Variants in RGL1 observed in about 807,000 individuals in gnomAD.
RGL1 encodes ral guanine nucleotide dissociation stimulator like 1.
In RGL1, 24 loss-of-function variants were observed where a neutral mutation model predicts 95.2. The ratio of observed to expected loss-of-function variants is 0.25; its 90% CI spans 0.18 to 0.35. The LOEUF is 0.35. Ranked by LOEUF, RGL1 falls within the 10% of genes least tolerant of loss-of-function variation. The probability of loss-of-function intolerance (pLI) is 1.00; values close to 1 mark genes in which losing one functional copy is unlikely to be tolerated. For synonymous variants in RGL1, 329 were observed against 344.9 expected (o/e 0.95, Z 0.51); for missense variants, 715 against 936.3 (o/e 0.76, Z 3.08).
intron 3 of RGL1, 65 bp downstream of exon 3, chr1:183,847,839 G>T (rs1423266041): frequency 1.6e-6 from 2 of 1,250,316 alleles, no homozygotes; most frequent in Non-Finnish European, 2.3e-6. Flanking sequence ...GGAGCACGAG[G>T]TTCTGAATCA....
intron 2 of RGL1, among the ~76,000 whole-genome samples, chr1:183,828,781 T>C (rs563084419): frequency 6.6e-6 from 1 of 152,378 alleles, no homozygotes; most frequent in Admixed American, 6.5e-5. Context: ...TCTGTATTCA[T>C]TTCCTCTGAT....
Position 183,922,350 on chromosome 1 carries a change from C to T in RGL1, c.2119+14C>T, listed in dbSNP as rs375722600. ...CGGAGGACAAAGGTGGGCATCCTTCCGAGACAGGCATGTTCCTTCCCAGGG... is the reference window on the plus strand; with the variant it reads ...CGGAGGACAAAGGTGGGCATCCTTCTGAGACAGGCATGTTCCTTCCCAGGG... On this transcript the variant is annotated intron_variant, in intron 17 of 17. Coordinates refer to ENST00000360851, the MANE Select transcript of RGL1 (RefSeq NM_001297671.3). 2.0e-4 allele frequency: 322 copies of T among 1,593,430 alleles called. No homozygotes were observed. The highest frequency in any genetic ancestry group is 2.6e-4 in the Non-Finnish European group (307 of 1,163,238).
chr1:183,722,330 A>G (rs80236194), intron 1 of RGL1, among the ~76,000 whole-genome samples: 7,330 of 152,188 alleles, frequency 0.048, 275 homozygotes, highest in Non-Finnish European at 0.068. Flanking sequence ...AAAATAAGAG[A>G]GACCTGGAGG....
At chr1:183,855,220 A>G (rs1161417184) in intron 3 of RGL1, among the ~76,000 whole-genome samples, 1 of 152,208 alleles carries the variant, frequency 6.6e-6, no homozygotes, top group Non-Finnish European at 1.5e-5. Flanking sequence ...ATAAGTCTAT[A>G]GACTCGTGTC....
chr1:183,646,425 A>ATC (rs968538326), intron 1 of RGL1: 4 of 151,732 alleles, frequency 2.6e-5, no homozygotes, highest in Admixed American at 2.6e-4. Context: ...TACTTTATAT[A>ATC]TATATATAAA....
chr1:183,771,923 G>C (rs903582996), intron 2 of RGL1, among the ~76,000 whole-genome samples: 8 of 152,218 alleles, frequency 5.3e-5, no homozygotes, highest in African/African-American at 1.9e-4. Flanking sequence ...TGGACGGTGA[G>C]AGGACACGGA....
intron 1 of RGL1, among the ~76,000 whole-genome samples, chr1:183,691,659 G>A (rs1653951876): frequency 1.3e-5 from 2 of 152,188 alleles, no homozygotes; most frequent in Non-Finnish European, 2.9e-5. Flanking sequence ...AGATAGTAAT[G>A]TTGAGAGAAT....
chr1:183,841,501 T>A (rs565130892), intron 2 of RGL1, among the ~76,000 whole-genome samples: 235 of 152,346 alleles, frequency 1.5e-3, no homozygotes, highest in African/African-American at 5.6e-3. Context: ...CCACTATTTT[T>A]AATGGCAAAA....
chr1:183,909,988 T>G (rs1373126636), intron 14 of RGL1, among the ~76,000 whole-genome samples: 1 of 152,214 alleles, frequency 6.6e-6, no homozygotes, highest in Non-Finnish European at 1.5e-5. Flanking sequence ...TATTATTCAG[T>G]GTCTTTTGAC....
chr1:183,915,872 T>C (rs1229162116), intron 15 of RGL1, among the ~76,000 whole-genome samples: 1 of 152,236 alleles, frequency 6.6e-6, no homozygotes, highest in South Asian at 2.1e-4. Context: ...CAACTAGCTG[T>C]GTGGACCTGG....
intron 2 of RGL1, among the ~76,000 whole-genome samples, chr1:183,758,537 G>C (rs1658486240): frequency 6.6e-6 from 1 of 152,176 alleles, no homozygotes; most frequent in South Asian, 2.1e-4. Flanking sequence ...GAGGCTGGGA[G>C]TCTGACATCA....
chr1:183,771,202 G>T (rs1659254095), intron 2 of RGL1, among the ~76,000 whole-genome samples: 1 of 151,976 alleles, frequency 6.6e-6, no homozygotes, highest in Non-Finnish European at 1.5e-5. Context: ...TGGCTCCGAG[G>T]CCTAGAATGA....
chr1:183,692,885 C>A (rs1654031778), intron 1 of RGL1, among the ~76,000 whole-genome samples: 2 of 152,064 alleles, frequency 1.3e-5, no homozygotes, highest in African/African-American at 4.8e-5. Context: ...GAATCATCTG[C>A]CCCAAAAGTC....
intron 2 of RGL1, among the ~76,000 whole-genome samples, chr1:183,757,208 C>G (rs1658396403): frequency 6.6e-6 from 1 of 152,154 alleles, no homozygotes; most frequent in Non-Finnish European, 1.5e-5. Flanking sequence ...GACATATGAC[C>G]TCTTCTCTAT....
At chr1:183,736,428 G>A (rs753716638) in intron 1 of RGL1, among the ~76,000 whole-genome samples, 6 of 152,192 alleles carry the variant, frequency 3.9e-5, no homozygotes, top group Non-Finnish European at 5.9e-5. Flanking sequence ...GAAATGGCTT[G>A]CTTAATGGTT....
chr1:183,715,984 C>G (rs1572323209), intron 1 of RGL1, among the ~76,000 whole-genome samples: 1 of 152,116 alleles, frequency 6.6e-6, no homozygotes, highest in African/African-American at 2.4e-5. Context: ...GACTAATGTT[C>G]CAGCTCAAAG....
intron 2 of RGL1, among the ~76,000 whole-genome samples, chr1:183,837,255 T>C (rs1179911198): frequency 1.3e-5 from 2 of 152,196 alleles, no homozygotes; most frequent in Admixed American, 6.5e-5. Context: ...TCTCCATTCA[T>C]AGCAGGCTTC....
At chr1:183,808,759 CTCTTTTT>C (rs1661507214) in intron 2 of RGL1, among the ~76,000 whole-genome samples, 1 of 151,312 alleles carries the variant, frequency 6.6e-6, no homozygotes, top group African/African-American at 2.4e-5. Context: ...CTCTCTCTCT[CTCTTTTT>C]TTTTTTTTTA....
intron 1 of RGL1, among the ~76,000 whole-genome samples, chr1:183,675,627 C>A (rs143012405): frequency 6.0e-4 from 92 of 152,296 alleles, no homozygotes; most frequent in African/African-American, 2.2e-3. Flanking sequence ...ACATCACCTG[C>A]AAGTGTTGGG....
Sources: allele counts gnomAD v4.1 joint callset (sites outside exome capture counted in the v4.1 genomes callset), GRCh38; gene constraint gnomAD v4.1.1; transcripts MANE v1.5; gene names NCBI Gene and HGNC (gene_info 2026-07-23, HGNC 2026-07-21).